Variants in OR2Z1 observed in about 807,000 individuals in gnomAD.
OR2Z1 encodes the protein olfactory receptor 2Z1.
For synonymous variants in OR2Z1, 188 were observed against 160.6 expected, an observed-to-expected ratio of 1.17 and a Z score of -1.29; for missense variants, 449 against 401.8, an observed-to-expected ratio of 1.12 and a Z score of -1.00.
At chr19:8,730,669 C>T (rs758395062) in intron 2 of OR2Z1, among the ~76,000 whole-genome samples, 191 bp from the exon 3 acceptor site, 5 of 152,128 alleles carry the variant, frequency 3.3e-5, no homozygotes, top group South Asian at 2.1e-4. Context: ...CCACCTGTCT[C>T]GGCCTCCCAA....
Position 8,731,424 on chromosome 19 carries a change from T to TGAGGG in OR2Z1, c.396_397insGAGGG (p.Pro133GlufsTer6), listed in dbSNP as rs1555756749. On this transcript the variant is annotated frameshift_variant, in exon 3 of 3. Transcript: ENST00000641125. LOFTEE classifies it low-confidence loss of function (END_TRUNC). ...TTGCTGTGTGCCAGCCCCTGCAGTA[T>TGAGGG]CCTGTACTTATGAGACGCCAGGTAT... The TGAGGG allele has an allele frequency of 6.8e-6, 11 of 1,613,934 alleles. No homozygotes were observed. Among genetic ancestry groups the TGAGGG allele is most frequent in the Non-Finnish European group, 9.3e-6 (11 of 1,180,022 alleles).
At chr19:8,728,231 G>A (rs1405028455) in intron 2 of OR2Z1, among the ~76,000 whole-genome samples, 1 of 152,188 alleles carries the variant, frequency 6.6e-6, no homozygotes, top group African/African-American at 2.4e-5. Context: ...GGCTTTGTCT[G>A]GGAGCTTGGA....
At chr19:8,724,314 C>T (rs1029145725) in intron 2 of OR2Z1, among the ~76,000 whole-genome samples, 1 of 151,984 alleles carries the variant, frequency 6.6e-6, no homozygotes, top group African/African-American at 2.4e-5. Flanking sequence ...CAGCTCACTG[C>T]AGCTTCCACC....
At chr19:8,730,726 AATTTTTC>A (rs2043348691) in intron 2 of OR2Z1, 127 bp from the exon 3 acceptor site, 1 of 383,916 alleles carries the variant, frequency 2.6e-6, no homozygotes, top group Admixed American at 4.3e-5. Context: ...CCGAACCTCA[AATTTTTC>A]ACTATAGGGA....
At chr19:8,723,686 G>T (rs1387360495) in intron 2 of OR2Z1, among the ~76,000 whole-genome samples, 1 of 151,736 alleles carries the variant, frequency 6.6e-6, no homozygotes, top group Admixed American at 6.6e-5. Flanking sequence ...CAGTGGTGGG[G>T]CGATGACACT....
In OR2Z1 at chr19:8,731,333, T is replaced by C. The variant is rs782358498; in HGVS notation, c.305T>C (p.Phe102Ser). ...TSYGGGAAQI[F>S]FLTLMGVAEG... is the part of the protein sequence containing the mutation. Reference sequence around the variant, plus strand: ...TATGGAGGTGGTGCAGCTCAAATATTCTTCCTCACACTGATGGGTGTGGCT... The same window carrying C: ...TATGGAGGTGGTGCAGCTCAAATATCCTTCCTCACACTGATGGGTGTGGCT... Residue 102 changes from phenylalanine (F) to serine (S), a missense_variant, in exon 3 of 3, where the codon TTC (phenylalanine) becomes TCC (serine). Physicochemically the swap from Phe to Ser is radical, Grantham distance 155 (BLOSUM62 -2). Coordinates refer to ENST00000641125, the MANE Select transcript of OR2Z1 (RefSeq NM_001004699.3). 6.2e-7 allele frequency: 1 copy of C among 1,614,110 alleles called. No homozygotes were observed. The highest frequency in any genetic ancestry group is 8.5e-7 in the Non-Finnish European group (1 of 1,180,014).
rs200115143 is a variant in OR2Z1 at position 8,731,791 on chromosome 19, G to A, written c.763G>A (p.Ala255Thr). ...GGTAGTGGGGCTCTTTTATGGTGCC[G>A]CCGTGTTCATGTACATGGTGCCTTG... ...ITVVGLFYGA[A>T]VFMYMVPCAY... The change falls in exon 3 of 3, where the codon GCC becomes ACC. Residue 255 changes from alanine (A) to threonine (T), a missense_variant. Transcript: ENST00000641125. 139 of 1,614,092 alleles carry A rather than the reference G, an allele frequency of 8.6e-5. No homozygotes were observed. Among genetic ancestry groups the A allele is most frequent in the Non-Finnish European group, 2.8e-5 (33 of 1,180,044 alleles).
chr19:8,722,520 A>T (rs2043311458), intron 1 of OR2Z1, among the ~76,000 whole-genome samples: 1 of 152,160 alleles, frequency 6.6e-6, no homozygotes. Flanking sequence ...GGGACAGGTA[A>T]AACCACAACT....
At chr19:8,726,226 A>C (rs538487916) in intron 2 of OR2Z1, among the ~76,000 whole-genome samples, 38 of 152,228 alleles carry the variant, frequency 2.5e-4, no homozygotes, top group African/African-American at 8.7e-4. Flanking sequence ...TGGCCTCCCA[A>C]AGTGCTGGGA....
Position 8,731,115 on chromosome 19 carries a change from C to G in OR2Z1, c.87C>G (p.Ser29=). ...CAGGATCACGCCAGCTCCTCTTCTCCCTGGTGGCTGTCATGTTTGTCATAG... is the reference window on the plus strand; with the variant it reads ...CAGGATCACGCCAGCTCCTCTTCTCGCTGGTGGCTGTCATGTTTGTCATAG... ...SHSGSRQLLF[S]LVAVMFVIGL... Residue 29 remains serine (S), a synonymous_variant, in exon 3 of 3, where the codon TCC becomes TCG. Coordinates refer to ENST00000641125, the MANE Select transcript of OR2Z1 (RefSeq NM_001004699.3). The G allele has an allele frequency of 6.2e-7, 1 of 1,614,146 alleles. No homozygotes were observed. Among genetic ancestry groups the G allele is most frequent in the Non-Finnish European group, 8.5e-7 (1 of 1,180,020 alleles).
At chr19:8,729,217 G>A in intron 2 of OR2Z1, 1 of 695,568 alleles carries the variant, frequency 1.4e-6, no homozygotes, top group East Asian at 2.8e-5. Context: ...TGTGAAAAGG[G>A]CCCAATAGGT....
intron 2 of OR2Z1, among the ~76,000 whole-genome samples, chr19:8,729,855 G>T (rs1319597047): frequency 6.6e-6 from 1 of 152,060 alleles, no homozygotes; most frequent in Non-Finnish European, 1.5e-5. Flanking sequence ...CTCTCAAAGT[G>T]CTGGGATTAT....
intron 2 of OR2Z1, among the ~76,000 whole-genome samples, chr19:8,728,491 C>G (rs2043336898): frequency 6.6e-6 from 1 of 152,158 alleles, no homozygotes; most frequent in Non-Finnish European, 1.5e-5. Flanking sequence ...CCATTCAACC[C>G]CCTCCTGCTG....
Position 8,731,032 on chromosome 19 carries a change from G to A in OR2Z1, c.4G>A (p.Gly2Arg), listed in dbSNP as rs782571088. The change falls in exon 3 of 3, where the codon GGG (glycine) becomes AGG (arginine). Residue 2 changes from glycine to arginine, a missense_variant. Physicochemically the swap from Gly to Arg is moderately radical, Grantham distance 125 (BLOSUM62 -2). Transcript: ENST00000641125. M[G>R]DVNQSVASDF... The stretch of plus-strand genomic sequence containing the variant: ...GCTAAAGTGCATTGTGTAAAACATG[G>A]GGGATGTGAATCAGTCGGTGGCCTC... The A allele has an allele frequency of 6.2e-7, 1 of 1,613,700 alleles. No homozygotes were observed. Among genetic ancestry groups the A allele is most frequent in the Non-Finnish European group, 8.5e-7 (1 of 1,179,678 alleles).
Position 8,731,724 on chromosome 19 carries a change from G to A in OR2Z1, c.696G>A (p.Glu232=), listed in dbSNP as rs978531745. Residue 232 remains glutamate, a synonymous_variant, in exon 3 of 3, where the codon GAG becomes GAA. Transcript: ENST00000641125. ...CTGTTCTAAGCATGCGCTCAGAGGAGGCCAGACACAAGGCTGTCACCACCT... is the reference window on the plus strand; with the variant it reads ...CTGTTCTAAGCATGCGCTCAGAGGAAGCCAGACACAAGGCTGTCACCACCT... ...LQAVLSMRSE[E]ARHKAVTTCS... 4.3e-6 allele frequency: 7 copies of A among 1,614,188 alleles called. No homozygotes were observed. The highest frequency in any genetic ancestry group is 5.9e-6 in the Non-Finnish European group (7 of 1,180,042).
In OR2Z1 at chr19:8,731,806, A is replaced by C. The variant is rs61746161; in HGVS notation, c.778A>C (p.Met260Leu). Residue 260 changes from methionine to leucine, a missense_variant, in exon 3 of 3, where the codon ATG becomes CTG. Met to Leu is a conservative substitution (Grantham distance 15, BLOSUM62 2). Transcript: ENST00000641125. ...LFYGAAVFMY[M>L]VPCAYHSPQQ... Reference sequence around the variant, plus strand: ...TTATGGTGCCGCCGTGTTCATGTACATGGTGCCTTGCGCCTACCACAGTCC... The same window carrying C: ...TTATGGTGCCGCCGTGTTCATGTACCTGGTGCCTTGCGCCTACCACAGTCC... 6.3e-5 allele frequency: 101 copies of C among 1,614,034 alleles called. No individual in the cohort carries two copies. Among genetic ancestry groups the C allele is most frequent in the Non-Finnish European group, 1.3e-5 (15 of 1,180,040 alleles).
intron 2 of OR2Z1, chr19:8,729,087 G>T (rs2043339684): frequency 8.4e-7 from 1 of 1,193,220 alleles, no homozygotes; most frequent in Non-Finnish European, 1.2e-6. Context: ...TGACATGTGG[G>T]ATCTTTTTTT....
chr19:8,731,998 T>G lies in OR2Z1; in HGVS notation c.*25T>G. On this transcript the variant is annotated 3_prime_UTR_variant, in exon 3 of 3. Transcript: ENST00000641125. ...ACTACATAGAAACTGCTGGTGAGAT[T>G]CCAGCGGTCCTCGATCCCACCCACC... 3 of 1,546,310 alleles carry G rather than the reference T, an allele frequency of 1.9e-6. No individual in the cohort carries two copies. The highest frequency in any genetic ancestry group is 2.3e-5 in the South Asian group (2 of 86,726).
chr19:8,729,411 G>GTTT (rs34124566), intron 2 of OR2Z1, among the ~76,000 whole-genome samples: 25 of 142,470 alleles, frequency 1.8e-4, no homozygotes, highest in Non-Finnish European at 2.6e-4. Context: ...CAATGAACAG[G>GTTT]TTTTTTTTTT....
Sources: gnomAD v4.1 joint callset for allele counts (sites outside exome capture counted in the v4.1 genomes callset) on GRCh38, gnomAD v4.1.1 for gene constraint, MANE v1.5 for transcripts, NCBI Gene and HGNC (gene_info 2026-07-23, HGNC 2026-07-21) for gene names.